The following ROBO2 variants were observed in gnomAD, a reference collection of about 807,000 sequenced individuals.
The protein encoded by ROBO2 is roundabout homolog 2.
ROBO2 carries 53 observed loss-of-function variants against 160.8 expected under a neutral mutation model. The observed-to-expected ratio is 0.33, with a 90% CI of 0.26 to 0.41. The LOEUF (loss-of-function observed/expected upper bound fraction) is 0.41, where lower values mean the gene tolerates loss of function less well. Among genes scored for constraint, ROBO2 ranks in the 10% least tolerant of loss-of-function variants. ROBO2 has a pLI of 1.00. For missense variants in ROBO2, 1,577 were observed against 1,722.4 expected (o/e 0.92, Z 1.49); for synonymous variants, 664 against 611.7 (o/e 1.09, Z -1.26).
intron 2 of ROBO2, among the ~76,000 whole-genome samples, chr3:77,225,807 C>T (rs2086426532): frequency 6.6e-6 from 1 of 151,858 alleles, no homozygotes; most frequent in South Asian, 2.1e-4. Flanking sequence ...TGTTTAAAAG[C>T]CACAAACATT....
intron 2 of ROBO2, among the ~76,000 whole-genome samples, chr3:77,164,549 C>CT (rs2078817342): frequency 1.1e-5 from 1 of 87,142 alleles, no homozygotes; most frequent in Non-Finnish European, 2.9e-5. Context: ...GGGTCAGACC[C>CT]CCGCCCGGCC....
At chr3:76,295,732 A>T (rs985041157) in intron 2 of ROBO2, among the ~76,000 whole-genome samples, 1 of 152,180 alleles carries the variant, frequency 6.6e-6, no homozygotes, top group African/African-American at 2.4e-5. Flanking sequence ...TTGGATTCTA[A>T]ATTTACCACT....
intron 2 of ROBO2, among the ~76,000 whole-genome samples, chr3:77,017,393 C>T (rs1002495749): frequency 6.6e-6 from 1 of 152,202 alleles, no homozygotes; most frequent in African/African-American, 2.4e-5. Flanking sequence ...TTATTTGACC[C>T]CATCAGAGAT....
chr3:77,514,421 C>G (rs191054569), intron 5 of ROBO2, among the ~76,000 whole-genome samples: 1 of 151,830 alleles, frequency 6.6e-6, no homozygotes, highest in East Asian at 1.9e-4. Context: ...ACAAAGTCGG[C>G]AGTACATAAA....
At chr3:76,056,788 TTTA>T (rs1413234226) in intron 2 of ROBO2, among the ~76,000 whole-genome samples, 1 of 152,204 alleles carries the variant, frequency 6.6e-6, no homozygotes, top group East Asian at 1.9e-4. Context: ...TTGGTAGCAC[TTTA>T]TAATCTGCAA....
At position 76,013,184 on chromosome 3, in the gene ROBO2, C is replaced by G. The variant is rs376455408; in HGVS notation, c.109+75582C>G. On this transcript the variant is annotated intron_variant, in intron 2 of 26. Transcript: ENST00000487694. ...GCACGGTGGCTTATGCGTGTAATCCCAGAAGTAATATGTATAAAGGCAATT... is the reference window on the plus strand; with the variant it reads ...GCACGGTGGCTTATGCGTGTAATCCGAGAAGTAATATGTATAAAGGCAATT... Among the ~76,000 whole-genome samples the G allele has an allele frequency of 2.1e-5, 3 of 140,206 alleles. No homozygotes were observed. In the East Asian group the frequency reaches 6.5e-4, roughly 30 times the overall value. 92.0% of individuals were successfully genotyped at this position (140,206 alleles called of 152,430 possible).
intron 2 of ROBO2, among the ~76,000 whole-genome samples, chr3:76,726,729 A>G (rs968424373): frequency 6.6e-6 from 1 of 152,076 alleles, no homozygotes; most frequent in Non-Finnish European, 1.5e-5. Context: ...TGCGACTTGT[A>G]TTTTCCCAAG....
At chr3:76,445,094 C>T (rs551901082) in intron 2 of ROBO2, among the ~76,000 whole-genome samples, 20 of 151,952 alleles carry the variant, frequency 1.3e-4, no homozygotes, top group Non-Finnish European at 2.4e-4. Flanking sequence ...TTACTATCAC[C>T]GACTACAGTT....
In ROBO2 at chr3:76,882,002, G is replaced by A. The variant is rs539546293; in HGVS notation, c.110-216012G>A. ...TTTTGTGTGTGTGTGTGTGTCTGTT[G>A]GGTGGTAGTTTGGTTGTGTGTGTGT... On this transcript the variant is annotated intron_variant, in intron 2 of 26. Coordinates refer to the ROBO2 transcript ENST00000487694. Among the ~76,000 whole-genome samples the A allele has an allele frequency of 3.3e-5, 5 of 149,938 alleles. No individual in the cohort carries two copies. The East Asian group carries it at 5.9e-4, about 18-fold the overall frequency.
intron 2 of ROBO2, among the ~76,000 whole-genome samples, chr3:76,741,004 A>G (rs953889983): frequency 5.3e-5 from 8 of 152,108 alleles, no homozygotes; most frequent in Non-Finnish European, 8.8e-5. Flanking sequence ...TGAAAGACCA[A>G]TGGCTTACTA....
At chr3:76,372,884 G>A (rs925386463) in intron 2 of ROBO2, among the ~76,000 whole-genome samples, 1 of 151,898 alleles carries the variant, frequency 6.6e-6, no homozygotes, top group African/African-American at 2.4e-5. Flanking sequence ...TCCAGAACCA[G>A]ATCAAACACT....
At chr3:76,853,185 A>G (rs998520468) in intron 2 of ROBO2, among the ~76,000 whole-genome samples, 1 of 152,048 alleles carries the variant, frequency 6.6e-6, no homozygotes, top group African/African-American at 2.4e-5. Flanking sequence ...TTAGTTTCTT[A>G]TTTCCCCATA....
chr3:76,867,822 A>G (rs111929947), intron 2 of ROBO2, among the ~76,000 whole-genome samples: 90 of 152,322 alleles, frequency 5.9e-4, no homozygotes, highest in African/African-American at 2.0e-3. Context: ...TGCTTTCAAT[A>G]AGAGAGAACA....
At chr3:77,049,796 C>G (rs1410154775) in intron 1 of ROBO2, among the ~76,000 whole-genome samples, 2 of 152,130 alleles carry the variant, frequency 1.3e-5, no homozygotes, top group East Asian at 3.9e-4. Context: ...TCAACTATCC[C>G]ACTGAAAGGC....
intron 2 of ROBO2, among the ~76,000 whole-genome samples, chr3:76,965,432 C>T (rs75293606): frequency 0.015 from 2,279 of 152,258 alleles, 35 homozygotes; most frequent in Non-Finnish European, 0.02. Flanking sequence ...TCTGCAAATG[C>T]TTCAGCTCTT....
At chr3:76,263,684 A>G (rs1706911985) in intron 2 of ROBO2, among the ~76,000 whole-genome samples, 1 of 152,222 alleles carries the variant, frequency 6.6e-6, no homozygotes, top group Non-Finnish European at 1.5e-5. Context: ...GGGACAATTC[A>G]TGATAAAGCA....
At chr3:76,970,424 C>T (rs1299023730) in intron 2 of ROBO2, among the ~76,000 whole-genome samples, 1 of 151,994 alleles carries the variant, frequency 6.6e-6, no homozygotes, top group African/African-American at 2.4e-5. Flanking sequence ...GAGAGGTGAC[C>T]TCACTTCATG....
At chr3:76,196,191 C>G (rs952733183) in intron 2 of ROBO2, among the ~76,000 whole-genome samples, 1 of 152,064 alleles carries the variant, frequency 6.6e-6, no homozygotes, top group Non-Finnish European at 1.5e-5. Context: ...ATGTTTCATA[C>G]AGAAGAAATG....
At position 75,988,719 on chromosome 3, in the gene ROBO2, TG is replaced by T. The variant is rs542181752; in HGVS notation, c.109+51118del. On this transcript the variant is annotated intron_variant, in intron 2 of 26. Coordinates refer to the ROBO2 transcript ENST00000487694. The stretch of plus-strand genomic sequence containing the variant: ...CTCCAAGTATTTTCTAATTTCCTTT[TG>T]TGATTTCTGTAATGATCCATTAGTT... 3.9e-5 allele frequency among the ~76,000 whole-genome samples: 6 copies of T among 152,044 alleles called. No individual in the cohort carries two copies. In the South Asian group the frequency reaches 1.2e-3, roughly 31 times the overall value.
Sources: allele counts gnomAD v4.1 joint callset (sites outside exome capture counted in the v4.1 genomes callset), GRCh38; gene constraint gnomAD v4.1.1; transcripts MANE v1.5; gene names NCBI Gene and HGNC (gene_info 2026-07-23, HGNC 2026-07-21).